MAP2K5: variants seen among roughly 807,000 people sequenced by gnomAD.
The protein encoded by MAP2K5 is dual specificity mitogen-activated protein kinase kinase 5.
MAP2K5 carries 49 observed loss-of-function variants against 83.1 expected under a neutral mutation model. That is an observed-to-expected ratio of 0.59 (90% CI 0.47 to 0.75). The LOEUF is 0.75. Among genes scored for constraint, MAP2K5 ranks in the 30% least tolerant of loss-of-function variants. The probability of loss-of-function intolerance (pLI) is 0.00; values close to 1 mark genes in which losing one functional copy is unlikely to be tolerated. For missense variants in MAP2K5, 457 were observed against 557.5 expected, an observed-to-expected ratio of 0.82 and a Z score of 1.82; for synonymous variants, 202 against 191.8, an observed-to-expected ratio of 1.05 and a Z score of -0.44.
Position 67,543,221 on chromosome 15 carries a change from T to G in MAP2K5, c.-115T>G. The G allele has an allele frequency of 9.2e-7, 1 of 1,084,674 alleles. No homozygotes were observed. The highest frequency in any genetic ancestry group is 1.4e-6 in the Non-Finnish European group (1 of 721,150). 67.2% of individuals were successfully genotyped at this position (1,084,674 alleles called of 1,614,324 possible). A position where few individuals can be genotyped will look rare whatever the true frequency, so the allele number is the denominator to read the frequency against. On this transcript the variant is annotated 5_prime_UTR_variant, in exon 1 of 22. Transcript: ENST00000178640. This position sits in a 1 kb window ranked among gnomAD's most constrained non-coding sequence, Gnocchi z 4.3. Reference sequence around the variant, plus strand: ...CCCTCCCCCTCATCCTCCATTCCCTTGTTTTCACCCTCTGTCCTCTGCCCG... The same window carrying G: ...CCCTCCCCCTCATCCTCCATTCCCTGGTTTTCACCCTCTGTCCTCTGCCCG...
chr15:67,578,382 T>C (rs2085108735), intron 3 of MAP2K5, among the ~76,000 whole-genome samples: 1 of 152,220 alleles, frequency 6.6e-6, no homozygotes, highest in Non-Finnish European at 1.5e-5. Context: ...TGGCTGTTCC[T>C]CAGGGGCCAG....
intron 12 of MAP2K5, among the ~76,000 whole-genome samples, chr15:67,660,326 A>G (rs1462986661): frequency 1.3e-5 from 2 of 151,862 alleles, no homozygotes; most frequent in African/African-American, 2.4e-5. Flanking sequence ...AATTTGGATT[A>G]TCATTTGTTG....
At chr15:67,616,727 C>CT (rs1891664201) in intron 8 of MAP2K5, among the ~76,000 whole-genome samples, 1 of 152,194 alleles carries the variant, frequency 6.6e-6, no homozygotes, top group Admixed American at 6.5e-5. Flanking sequence ...ATAACCATCA[C>CT]TTTCTTTCTT....
chr15:67,599,222 A>G (rs779942906), intron 7 of MAP2K5, among the ~76,000 whole-genome samples: 32 of 152,226 alleles, frequency 2.1e-4, no homozygotes, highest in Non-Finnish European at 3.4e-4. Context: ...GTAGTGATGA[A>G]CAGAATTCCC....
chr15:67,731,556 A>G (rs889434853), intron 17 of MAP2K5, among the ~76,000 whole-genome samples: 15 of 152,194 alleles, frequency 9.9e-5, no homozygotes, highest in African/African-American at 3.6e-4. Context: ...ACTGCCTATA[A>G]CAGGAAAAAC....
intron 17 of MAP2K5, among the ~76,000 whole-genome samples, chr15:67,729,636 C>T (rs935509179): frequency 2.0e-5 from 3 of 151,870 alleles, no homozygotes; most frequent in East Asian, 1.9e-4. Flanking sequence ...ATTAGCCGGG[C>T]GTGGTGGCGG....
chr15:67,649,675 G>A (rs985623791), intron 11 of MAP2K5, among the ~76,000 whole-genome samples: 2 of 151,888 alleles, frequency 1.3e-5, no homozygotes, highest in East Asian at 3.9e-4. Context: ...TATACATCTC[G>A]CATTGATCTA....
intron 8 of MAP2K5, among the ~76,000 whole-genome samples, chr15:67,601,476 C>G (rs1483174072): frequency 6.6e-6 from 1 of 152,158 alleles, no homozygotes; most frequent in Non-Finnish European, 1.5e-5. Context: ...AATCCATACT[C>G]TGTAAGAAAG....
At position 67,716,234 on chromosome 15, in the gene MAP2K5, G is replaced by A. The variant is rs11855244; in HGVS notation, c.1045-11682G>A. 7.0e-3 allele frequency among the ~76,000 whole-genome samples: 1,069 copies of A among 152,218 alleles called. 14 individuals are homozygous for A. Among genetic ancestry groups the A allele is most frequent in the African/African-American group, 0.025 (1,021 of 41,538 alleles). On this transcript the variant is annotated intron_variant, in intron 16 of 21. Transcript: ENST00000178640. ...CGCACACCAGTAGTCCCAGCTACTC[G>A]GGAGGCTGAGGCAGGAGGATCCCTT...
rs1169269855 is a variant in MAP2K5, at chr15:67,778,123, C to CA, written c.1242+5374dup. Among the ~76,000 whole-genome samples the CA allele has an allele frequency of 6.6e-6, 1 of 152,160 alleles. No individual in the cohort carries two copies. The highest frequency in any genetic ancestry group is 2.4e-5 in the African/African-American group (1 of 41,426). ...GTAATGTTTGGGGGCTAATAAACAC[C>CA]AAACTGCTCTAGAAAAATCTGTTTA... is the stretch of plus-strand genomic sequence containing the variant. On this transcript the variant is annotated intron_variant, in intron 21 of 21. Coordinates refer to ENST00000178640, the MANE Select transcript of MAP2K5 (RefSeq NM_145160.3). The surrounding 1 kb of genome is among the most constrained non-coding windows in gnomAD (Gnocchi z 5.0).
chr15:67,586,910 A>G lies in MAP2K5; in HGVS notation c.428A>G (p.Asn143Ser). 1 of 1,614,100 alleles carries G rather than the reference A, an allele frequency of 6.2e-7. No individual in the cohort carries two copies. The highest frequency in any genetic ancestry group is 8.5e-7 in the Non-Finnish European group (1 of 1,179,988). ...SPAVSDSLPSNSLKKSSAELK... is the reference protein window; with the variant it reads ...SPAVSDSLPSSSLKKSSAELK... Reference sequence around the variant, plus strand: ...GCAGTCTCAGATTCACTTCCAAGCAATAGGTGCGAGCGAGCAAGTAAAGTG... The same window carrying G: ...GCAGTCTCAGATTCACTTCCAAGCAGTAGGTGCGAGCGAGCAAGTAAAGTG... The change falls in exon 6 of 22, where the codon AAT becomes AGT. Residue 143 changes from asparagine (N) to serine (S), a missense_variant. By Grantham distance (46) the Asn-to-Ser change is conservative (BLOSUM62 1). Transcript: ENST00000178640.
chr15:67,553,022 T>C (rs2140949071), intron 2 of MAP2K5, among the ~76,000 whole-genome samples: 1 of 152,350 alleles, frequency 6.6e-6, no homozygotes, highest in Non-Finnish European at 1.5e-5. Flanking sequence ...GCCTGCCTCA[T>C]TGGCTTCCAG....
intron 8 of MAP2K5, among the ~76,000 whole-genome samples, chr15:67,622,872 G>A (rs2086220185): frequency 6.6e-6 from 1 of 152,320 alleles, no homozygotes; most frequent in Non-Finnish European, 1.5e-5. Context: ...GTCGAGGCAG[G>A]TGGATCATGA....
Position 67,543,706 on chromosome 15 carries a change from C to T in MAP2K5, c.135+236C>T, listed in dbSNP as rs117607405. Among the ~76,000 whole-genome samples the T allele has an allele frequency of 6.8e-4, 104 of 152,316 alleles. No homozygotes were observed. The highest frequency in any genetic ancestry group is 1.4e-3 in the Non-Finnish European group (94 of 68,028). On this transcript the variant is annotated intron_variant, in intron 1 of 21. Coordinates refer to ENST00000178640, the MANE Select transcript of MAP2K5 (RefSeq NM_145160.3). This position sits in a 1 kb window ranked among gnomAD's most constrained non-coding sequence, Gnocchi z 4.3. ...ACTGAACCCCTGCCCTCAGAGAGCT[C>T]ATGGCCCGGGCTGGGACACACATAT... is the stretch of plus-strand genomic sequence containing the variant.
intron 8 of MAP2K5, chr15:67,628,948 G>T: frequency 1.3e-6 from 1 of 761,896 alleles, no homozygotes; most frequent in South Asian, 1.3e-5. Flanking sequence ...GGTGGTGGAA[G>T]CTACAATGAT....
At chr15:67,586,638 T>C (rs1273309586) in intron 5 of MAP2K5, among the ~76,000 whole-genome samples, 2 of 152,214 alleles carry the variant, frequency 1.3e-5, no homozygotes, top group East Asian at 1.9e-4. Context: ...AAGTATTTAA[T>C]GGAATAATGA....
At chr15:67,742,106 G>A (rs1347768883) in intron 17 of MAP2K5, among the ~76,000 whole-genome samples, 1 of 152,272 alleles carries the variant, frequency 6.6e-6, no homozygotes, top group East Asian at 1.9e-4. Context: ...ATGTTAGCCA[G>A]GATGGTCATG....
chr15:67,789,645 G>A (rs995810337), intron 21 of MAP2K5, among the ~76,000 whole-genome samples: 5 of 151,860 alleles, frequency 3.3e-5, no homozygotes, highest in African/African-American at 1.2e-4. Context: ...ACCCGGGGAG[G>A]TGGAGGTTGC....
Position 67,745,638 on chromosome 15 carries a change from A to G in MAP2K5, c.1075-2593A>G, listed in dbSNP as rs142869512. On this transcript the variant is annotated intron_variant, in intron 17 of 21. Transcript: ENST00000178640. ...ACTGTGGCATTAAATTTTCTGGTGGAATTAACAGAGGAACATAATACAGCC... is the reference window on the plus strand; with the variant it reads ...ACTGTGGCATTAAATTTTCTGGTGGGATTAACAGAGGAACATAATACAGCC... Among the ~76,000 whole-genome samples, 45 of 152,348 alleles carry G rather than the reference A, an allele frequency of 3.0e-4. No homozygotes were observed. In the East Asian group the frequency reaches 7.3e-3, roughly 25 times the overall value.
Sources: allele counts gnomAD v4.1 joint callset (sites outside exome capture counted in the v4.1 genomes callset), GRCh38; gene constraint gnomAD v4.1.1; non-coding constraint Gnocchi (gnomAD v3.1); transcripts MANE v1.5; gene names NCBI Gene and HGNC (gene_info 2026-07-23, HGNC 2026-07-21).